NTM: variants seen among roughly 807,000 people sequenced by gnomAD.
NTM encodes the protein IgLON family member 2.
In NTM, 13 loss-of-function variants were observed where a neutral mutation model predicts 42.1. The observed-to-expected ratio is 0.31, with a 90% CI of 0.20 to 0.49. The LOEUF (loss-of-function observed/expected upper bound fraction) is 0.49, where lower values mean the gene tolerates loss of function less well. Among genes scored for constraint, NTM ranks in the 20% least tolerant of loss-of-function variants. The pLI, the probability that NTM is intolerant of heterozygous loss-of-function variation, is 0.99. For missense variants in NTM, 373 were observed against 452.8 expected (o/e 0.82, Z 1.60); for synonymous variants, 187 against 179.2 (o/e 1.04, Z -0.35).
chr11:131,402,364 C>A (rs1945338260), intron 1 of NTM, among the ~76,000 whole-genome samples: 1 of 149,366 alleles, frequency 6.7e-6, no homozygotes. Flanking sequence ...GAGAAAATTG[C>A]TTATCTCCCC....
intron 1 of NTM, among the ~76,000 whole-genome samples, chr11:131,571,215 T>G (rs917113809): frequency 6.6e-6 from 1 of 152,214 alleles, no homozygotes; most frequent in African/African-American, 2.4e-5. Flanking sequence ...TAACCATGCT[T>G]TTTTATAAAT....
chr11:132,194,852 T>C (rs2138335862), intron 3 of NTM, among the ~76,000 whole-genome samples: 1 of 136,686 alleles, frequency 7.3e-6, no homozygotes, highest in South Asian at 2.5e-4. Context: ...AGACAGGGTC[T>C]CACTCTGTCA....
intron 4 of NTM, among the ~76,000 whole-genome samples, chr11:132,248,223 C>T (rs552338527): frequency 6.6e-6 from 1 of 152,308 alleles, no homozygotes; most frequent in South Asian, 2.1e-4. Context: ...CTTCTCCTGG[C>T]TTGTCACTGT....
At chr11:132,161,951 T>A (rs549620583) in intron 3 of NTM, among the ~76,000 whole-genome samples, 1 of 152,334 alleles carries the variant, frequency 6.6e-6, no homozygotes, top group East Asian at 1.9e-4. Flanking sequence ...TCACTCGTAA[T>A]AGATCATTTC....
intron 4 of NTM, among the ~76,000 whole-genome samples, chr11:132,216,892 C>G (rs1236618252): frequency 6.6e-6 from 1 of 152,208 alleles, no homozygotes; most frequent in Admixed American, 6.5e-5. Context: ...TTTCTCTGGT[C>G]TTCACAAGAT....
intron 1 of NTM, among the ~76,000 whole-genome samples, chr11:131,756,674 G>A (rs2083382730): frequency 6.6e-6 from 1 of 151,958 alleles, no homozygotes; most frequent in Non-Finnish European, 1.5e-5. Flanking sequence ...GGTGGTGACA[G>A]AGCAAGACCT....
chr11:132,008,360 G>T (rs77477466), intron 2 of NTM, among the ~76,000 whole-genome samples: 13,014 of 152,162 alleles, frequency 0.086, 718 homozygotes, highest in Non-Finnish European at 0.13. Context: ...CTTGTGTGAG[G>T]ATCAAGAGAC....
intron 1 of NTM, among the ~76,000 whole-genome samples, chr11:131,469,176 C>T (rs998725686): frequency 2.0e-5 from 3 of 152,204 alleles, no homozygotes; most frequent in Non-Finnish European, 4.4e-5. Flanking sequence ...CCTCCCCACC[C>T]ACTGCCACTG....
intron 1 of NTM, among the ~76,000 whole-genome samples, chr11:131,595,323 T>A (rs1028531682): frequency 6.6e-6 from 1 of 152,082 alleles, no homozygotes; most frequent in Non-Finnish European, 1.5e-5. Context: ...GAGATCCAAT[T>A]AGGAATAAAG....
chr11:131,613,022 C>T (rs958257649), intron 1 of NTM, among the ~76,000 whole-genome samples: 2 of 152,242 alleles, frequency 1.3e-5, no homozygotes, highest in African/African-American at 4.8e-5. Context: ...GGGCCAGGCA[C>T]ATTTGAGGAC....
chr11:131,710,748 A>C (rs543915940), intron 1 of NTM, among the ~76,000 whole-genome samples: 21 of 152,264 alleles, frequency 1.4e-4, no homozygotes. Context: ...AAGCCTTTGG[A>C]GTCATTCTGA....
intron 1 of NTM, among the ~76,000 whole-genome samples, chr11:131,372,171 G>T (rs1159256820): frequency 5.9e-5 from 9 of 152,140 alleles, no homozygotes; most frequent in Admixed American, 5.2e-4. Context: ...GAGAGACCAG[G>T]CTGGAAGGAT....
At chr11:131,525,220 G>A (rs1183697782) in intron 1 of NTM, among the ~76,000 whole-genome samples, 1 of 152,154 alleles carries the variant, frequency 6.6e-6, no homozygotes, top group East Asian at 1.9e-4. Flanking sequence ...TGTCTGCCAA[G>A]GGCACTCTGG....
intron 4 of NTM, among the ~76,000 whole-genome samples, chr11:132,244,868 T>C (rs935337328): frequency 6.6e-6 from 1 of 152,220 alleles, no homozygotes; most frequent in Non-Finnish European, 1.5e-5. Context: ...CTGAAGTGCC[T>C]TCTATTAATG....
intron 2 of NTM, among the ~76,000 whole-genome samples, chr11:132,060,406 T>C (rs1001824672): frequency 2.0e-5 from 3 of 152,232 alleles, no homozygotes; most frequent in African/African-American, 4.8e-5. Flanking sequence ...AAAGTCTTCC[T>C]AAATTTTGAT....
chr11:131,952,343 A>G (rs1449586439), intron 2 of NTM, among the ~76,000 whole-genome samples: 2 of 152,326 alleles, frequency 1.3e-5, no homozygotes, highest in East Asian at 3.9e-4. Flanking sequence ...GGAACTCTAT[A>G]GTCATCTAAA....
At chr11:131,998,900 T>A (rs2068652141) in intron 2 of NTM, among the ~76,000 whole-genome samples, 1 of 152,186 alleles carries the variant, frequency 6.6e-6, no homozygotes, top group South Asian at 2.1e-4. Context: ...CTGCTGTGTT[T>A]TGTGCCATTT....
intron 3 of NTM, among the ~76,000 whole-genome samples, chr11:132,190,941 T>C (rs1397768948): frequency 2.0e-5 from 3 of 146,954 alleles, no homozygotes; most frequent in Non-Finnish European, 4.6e-5. Flanking sequence ...GATGATATTA[T>C]TTGTTTTTTT....
Position 132,125,825 on chromosome 11 carries a change from G to A in NTM, c.168-20457G>A, listed in dbSNP as rs796861404. Among the ~76,000 whole-genome samples, 63 of 3,648 alleles carry A rather than the reference G, an allele frequency of 0.017. 1 individual carries two copies. In the South Asian group the frequency reaches 0.22, roughly 13 times the overall value. The allele number at this position is 3,648 out of a possible 152,430, so 2.4% of individuals were successfully genotyped here. A position where few individuals can be genotyped will look rare whatever the true frequency, so the allele number is the denominator to read the frequency against. ...CTGTGTGTGCTGTGTGGTATGTGTG[G>A]TGTGTGGTGTGTGTGTGGCTGGGTG... On this transcript the variant is annotated intron_variant, in intron 2 of 8. Coordinates refer to ENST00000683400, the MANE Select transcript of NTM (RefSeq NM_001352005.2).
Sources: gnomAD v4.1 joint callset for allele counts (sites outside exome capture counted in the v4.1 genomes callset) on GRCh38, gnomAD v4.1.1 for gene constraint, MANE v1.5 for transcripts, NCBI Gene and HGNC (gene_info 2026-07-23, HGNC 2026-07-21) for gene names.